MEP1A: variants seen among roughly 807,000 people sequenced by gnomAD.
The protein encoded by MEP1A is N-benzoyl-L-tyrosyl-P-amino-benzoic acid hydrolase subunit alpha.
MEP1A carries 68 observed loss-of-function variants against 84.5 expected under a neutral mutation model. The ratio of observed to expected loss-of-function variants is 0.80; its 90% CI spans 0.66 to 0.98. The LOEUF is 0.98. Among genes scored for constraint, MEP1A ranks in the 50% least tolerant of loss-of-function variants. The probability of loss-of-function intolerance (pLI) is 0.00; values close to 1 mark genes in which losing one functional copy is unlikely to be tolerated. For missense variants in MEP1A, 887 were observed against 919.9 expected, an observed-to-expected ratio of 0.96 and a Z score of 0.46; for synonymous variants, 337 against 336.8, an observed-to-expected ratio of 1.00 and a Z score of -0.01.
chr6:46,838,806 G>A (rs988216235), intron 13 of MEP1A, among the ~76,000 whole-genome samples, 174 bp from the exon 14 acceptor site: 2 of 152,212 alleles, frequency 1.3e-5, no homozygotes, highest in African/African-American at 4.8e-5. Flanking sequence ...ACCTCAAAGG[G>A]TTGTTGCAGG....
chr6:46,820,530 G>C (rs1361500359), intron 7 of MEP1A, among the ~76,000 whole-genome samples: 1 of 152,112 alleles, frequency 6.6e-6, no homozygotes, highest in Non-Finnish European at 1.5e-5. Context: ...GGGATTATAG[G>C]TGTGTGTCAC....
downstream of MEP1A, among the ~76,000 whole-genome samples, chr6:46,842,301 C>T (rs898280286): frequency 7.9e-5 from 12 of 152,218 alleles, no homozygotes; most frequent in South Asian, 2.1e-4. Flanking sequence ...CCTGTGGGGT[C>T]GGGCAGAATA....
Position 46,825,505 on chromosome 6 carries a change from A to G in MEP1A, c.778+12A>G. The G allele has an allele frequency of 6.4e-7, 1 of 1,565,088 alleles. No homozygotes were observed. Among genetic ancestry groups the G allele is most frequent in the Non-Finnish European group, 8.8e-7 (1 of 1,139,644 alleles). ...AATGTACAATTGCAGTGAGTATCTC[A>G]GTTTCTGAGAACTTGGTAAACTAGC... On this transcript the variant is annotated intron_variant, in intron 8 of 13. Transcript: ENST00000230588.
intron 3 of MEP1A, among the ~76,000 whole-genome samples, chr6:46,797,092 A>G (rs929264062): frequency 6.6e-6 from 1 of 152,206 alleles, no homozygotes; most frequent in Non-Finnish European, 1.5e-5. Context: ...GGCAAGTGAA[A>G]TCATGATGCC....
chr6:46,794,850 CA>C (rs1335765409), intron 3 of MEP1A, among the ~76,000 whole-genome samples: 5 of 152,152 alleles, frequency 3.3e-5, no homozygotes, highest in African/African-American at 1.2e-4. Flanking sequence ...CTAATCTCAT[CA>C]TTATTTATCT....
chr6:46,821,188 A>G (rs745564061), intron 7 of MEP1A, among the ~76,000 whole-genome samples: 17 of 152,184 alleles, frequency 1.1e-4, no homozygotes, highest in African/African-American at 3.9e-4. Flanking sequence ...GAGGTTTCTC[A>G]TCCTGTGCCT....
chr6:46,793,985 T>G lies in MEP1A; in HGVS notation c.145+269T>G, dbSNP rs1766994154. ...TTATAAAAATTTTATTTTTCCAATTTGTATTTGGAGGAAAAGGAAAGCAAA... is the reference window on the plus strand; with the variant it reads ...TTATAAAAATTTTATTTTTCCAATTGGTATTTGGAGGAAAAGGAAAGCAAA... On this transcript the variant is annotated intron_variant, in intron 3 of 13. Coordinates refer to ENST00000230588, the MANE Select transcript of MEP1A (RefSeq NM_005588.3). 3.3e-5 allele frequency among the ~76,000 whole-genome samples: 5 copies of G among 152,194 alleles called. No individual in the cohort carries two copies. The South Asian group carries it at 1.0e-3, about 32-fold the overall frequency.
At chr6:46,820,853 C>T (rs561751653) in intron 7 of MEP1A, among the ~76,000 whole-genome samples, 15 of 151,948 alleles carry the variant, frequency 9.9e-5, no homozygotes, top group Non-Finnish European at 2.2e-4. Context: ...AATGCAAAAA[C>T]ATTGTTTTTG....
chr6:46,833,641 G>A (rs1284393926), intron 11 of MEP1A, 103 bp downstream of exon 11: 3 of 835,162 alleles, frequency 3.6e-6, no homozygotes, highest in Non-Finnish European at 5.8e-6. Context: ...CACATTGTCT[G>A]TTTGGGAATA....
rs9369638 is a variant in MEP1A, at chr6:46,825,069, A to G, written c.557-203A>G. ...TATTTATAAATTATGTATTTAAATA[A>G]ATCTATTTAAATATTTATAAATTAT... On this transcript the variant is annotated intron_variant, in intron 7 of 13. Coordinates refer to ENST00000230588, the MANE Select transcript of MEP1A (RefSeq NM_005588.3). 0.089 allele frequency among the ~76,000 whole-genome samples: 1,951 copies of G among 21,800 alleles called. 421 individuals are homozygous for G. The highest frequency in any genetic ancestry group is 0.37 in the African/African-American group (1,314 of 3,544). The allele number at this position is 21,800 out of a possible 152,430, so 14.3% of individuals were successfully genotyped here.
At chr6:46,795,531 C>T (rs755117667) in intron 3 of MEP1A, among the ~76,000 whole-genome samples, 1 of 152,074 alleles carries the variant, frequency 6.6e-6, no homozygotes, top group Non-Finnish European at 1.5e-5. Context: ...GAACTCAAGA[C>T]CTTGTGATCC....
At chr6:46,843,013 C>A (rs1264452981), downstream of MEP1A, among the ~76,000 whole-genome samples, 1 of 152,078 alleles carries the variant, frequency 6.6e-6, no homozygotes, top group South Asian at 2.1e-4. Context: ...AAGTGCTCCA[C>A]CTCCAAGCCT....
At chr6:46,812,954 G>C (rs1489294165) in intron 6 of MEP1A, among the ~76,000 whole-genome samples, 1 of 152,072 alleles carries the variant, frequency 6.6e-6, no homozygotes, top group Non-Finnish European at 1.5e-5. Flanking sequence ...TTGTTGGGTA[G>C]AATGTTCTGT....
intron 6 of MEP1A, among the ~76,000 whole-genome samples, chr6:46,814,519 T>A (rs953302660): frequency 8.5e-5 from 13 of 152,206 alleles, no homozygotes; most frequent in Admixed American, 1.3e-4. Flanking sequence ...ATTGGCTTAA[T>A]AACTGACCTT....
intron 5 of MEP1A, among the ~76,000 whole-genome samples, chr6:46,800,574 G>C (rs1216209263): frequency 1.3e-5 from 2 of 152,172 alleles, no homozygotes; most frequent in African/African-American, 4.8e-5. Context: ...TATTTCTCAA[G>C]CAATACCACG....
At chr6:46,829,254 G>T in intron 9 of MEP1A, 102 bp from the exon 10 acceptor site, 1 of 899,262 alleles carries the variant, frequency 1.1e-6, no homozygotes, top group South Asian at 1.5e-5. Context: ...AGTTTTTGTT[G>T]CCTGGACAAT....
intron 5 of MEP1A, among the ~76,000 whole-genome samples, chr6:46,804,474 C>T (rs936801136): frequency 2.0e-5 from 3 of 150,558 alleles, no homozygotes; most frequent in South Asian, 2.1e-4. Context: ...TGCTTTATTT[C>T]GTCTATCCAT....
chr6:46,843,639 T>C (rs1768370594), downstream of MEP1A, among the ~76,000 whole-genome samples: 1 of 152,200 alleles, frequency 6.6e-6, no homozygotes, highest in South Asian at 2.1e-4. Flanking sequence ...CTTTGCATAC[T>C]ATTTAACCTC....
In MEP1A at chr6:46,833,156, AG is replaced by A; in HGVS notation, c.1229del (p.Gly410AlafsTer12). On this transcript the variant is annotated frameshift_variant, in exon 11 of 14. Transcript: ENST00000230588. LOFTEE classifies it high-confidence loss of function. ...KFRYLFQGTKGDPQNSTGGIY... is the reference protein window; with the variant it reads ...KFRYLFQGTKXDPQNSTGGIY... ...TTCGCTACCTTTTCCAGGGCACAAA[AG>A]GCGACCCTCAGAACTCAACTGGGGG... 6.3e-7 allele frequency: 1 copy of A among 1,588,440 alleles called. No individual in the cohort carries two copies. The highest frequency in any genetic ancestry group is 8.5e-7 in the Non-Finnish European group (1 of 1,170,694).
Sources: gnomAD v4.1 joint callset for allele counts (sites outside exome capture counted in the v4.1 genomes callset) on GRCh38, gnomAD v4.1.1 for gene constraint, MANE v1.5 for transcripts, NCBI Gene and HGNC (gene_info 2026-07-23, HGNC 2026-07-21) for gene names.